The following PLCB1 variants were observed in gnomAD, a reference collection of about 807,000 sequenced individuals.
PLCB1 encodes the protein 1-phosphatidylinositol 4,5-bisphosphate phosphodiesterase beta-1.
In PLCB1, 46 loss-of-function variants were observed where a neutral mutation model predicts 161.8. That is an observed-to-expected ratio of 0.28 (90% CI 0.22 to 0.36). The LOEUF (loss-of-function observed/expected upper bound fraction) is 0.36. PLCB1 is among the 10% of genes least tolerant of loss of function. The pLI is 1.00. For missense variants in PLCB1, 1,016 were observed against 1,472.5 expected (o/e 0.69, Z 5.07); for synonymous variants, 517 against 503.7 (o/e 1.03, Z -0.35).
chr20:8,836,092 T>A (rs936895140), intron 31 of PLCB1, among the ~76,000 whole-genome samples: 1 of 151,990 alleles, frequency 6.6e-6, no homozygotes, highest in African/African-American at 2.4e-5. Flanking sequence ...GGGCCCTGTG[T>A]CTCTCTTCTT....
At chr20:8,316,737 A>G (rs1361349424) in intron 2 of PLCB1, among the ~76,000 whole-genome samples, 3 of 152,142 alleles carry the variant, frequency 2.0e-5, no homozygotes, top group African/African-American at 7.2e-5. Flanking sequence ...TGGGAGACAG[A>G]AAGACGAGGG....
chr20:8,646,768 A>T (rs1989181751), intron 5 of PLCB1, among the ~76,000 whole-genome samples: 1 of 152,242 alleles, frequency 6.6e-6, no homozygotes, highest in Non-Finnish European at 1.5e-5. Flanking sequence ...GAATTGCCAC[A>T]GCCCTTCTAA....
intron 3 of PLCB1, among the ~76,000 whole-genome samples, chr20:8,525,551 T>C (rs1156329607): frequency 3.3e-5 from 5 of 152,184 alleles, no homozygotes; most frequent in Non-Finnish European, 5.9e-5. Flanking sequence ...GACCGTGTTG[T>C]GCCTTTGGGC....
intron 3 of PLCB1, among the ~76,000 whole-genome samples, chr20:8,426,905 GGAA>G (rs1217176987): frequency 6.6e-6 from 1 of 152,082 alleles, no homozygotes; most frequent in Non-Finnish European, 1.5e-5. Context: ...CACATAAAAT[GGAA>G]GAAGATTACC....
chr20:8,159,139 C>G (rs747703063), intron 2 of PLCB1, among the ~76,000 whole-genome samples: 5 of 152,308 alleles, frequency 3.3e-5, no homozygotes, highest in Non-Finnish European at 2.9e-5. Flanking sequence ...ACCACCCCAG[C>G]AGCAAGCTTC....
rs867235182 is a variant in PLCB1, at chr20:8,387,995, A to G, written c.246+16545A>G. ...CTTTTTTTAAAAAAAAAAAAAAAAAAAAGAAGAAACTGAGAAGGAGCAACC... is the reference window on the plus strand; with the variant it reads ...CTTTTTTTAAAAAAAAAAAAAAAAAGAAGAAGAAACTGAGAAGGAGCAACC... On this transcript the variant is annotated intron_variant, in intron 3 of 31. Coordinates refer to ENST00000338037, the MANE Select transcript of PLCB1 (RefSeq NM_015192.4). Among the ~76,000 whole-genome samples, 108 of 151,648 alleles carry G rather than the reference A, an allele frequency of 7.1e-4. No homozygotes were observed. The Middle Eastern group carries it at 0.024, about 33-fold the overall frequency.
At chr20:8,630,366 T>C (rs889485515) in intron 4 of PLCB1, among the ~76,000 whole-genome samples, 6 of 152,180 alleles carry the variant, frequency 3.9e-5, no homozygotes, top group South Asian at 2.1e-4. Context: ...CTAACACTTA[T>C]GTAATATTGA....
chr20:8,148,935 G>A (rs1322301213), intron 1 of PLCB1, among the ~76,000 whole-genome samples: 1 of 152,208 alleles, frequency 6.6e-6, no homozygotes, highest in Non-Finnish European at 1.5e-5. Context: ...GGAATGAGGA[G>A]TTAGTGTTTA....
intron 3 of PLCB1, among the ~76,000 whole-genome samples, chr20:8,381,481 C>G (rs566375031): frequency 1.3e-5 from 2 of 152,182 alleles, no homozygotes; most frequent in East Asian, 3.9e-4. Context: ...GAGGAGTCCC[C>G]CCTTTTCATT....
At chr20:8,749,632 A>G (rs1981349220) in intron 23 of PLCB1, among the ~76,000 whole-genome samples, 1 of 152,206 alleles carries the variant, frequency 6.6e-6, no homozygotes, top group East Asian at 1.9e-4. Context: ...AATAAATTCA[A>G]GTTGGTAGGA....
At chr20:8,311,794 G>A (rs1025051711) in intron 2 of PLCB1, among the ~76,000 whole-genome samples, 5 of 152,158 alleles carry the variant, frequency 3.3e-5, no homozygotes, top group Admixed American at 2.0e-4. Context: ...AAATCTTGTG[G>A]AATGTGGCTG....
At position 8,869,396 on chromosome 20, in the gene PLCB1, T is replaced by A. The variant is rs918263938; in HGVS notation, c.3424-12226T>A. Among the ~76,000 whole-genome samples, 4 of 152,180 alleles carry A rather than the reference T, an allele frequency of 2.6e-5. No homozygotes were observed. The South Asian group carries it at 8.3e-4, about 32-fold the overall frequency. ...CCATAAGGAGAAAGTATTCCAGTGC[T>A]GACATAAAAAGTTCAGGGCCAGGAA... On this transcript the variant is annotated intron_variant, in intron 31 of 31. Transcript: ENST00000338037.
intron 11 of PLCB1, among the ~76,000 whole-genome samples, chr20:8,700,936 A>C (rs2123435034): frequency 6.6e-6 from 1 of 152,388 alleles, no homozygotes; most frequent in Non-Finnish European, 1.5e-5. Context: ...ACTGATATGC[A>C]GTAGCAAGGA....
intron 1 of PLCB1, among the ~76,000 whole-genome samples, chr20:8,135,168 A>G (rs2051333383): frequency 6.6e-6 from 1 of 152,170 alleles, no homozygotes; most frequent in South Asian, 2.1e-4. Flanking sequence ...GCCTGAGTTT[A>G]CCTCCTAGTT....
chr20:8,461,087 T>C (rs2122684758), intron 3 of PLCB1, among the ~76,000 whole-genome samples: 1 of 152,334 alleles, frequency 6.6e-6, no homozygotes, highest in African/African-American at 2.4e-5. Flanking sequence ...TAAATTTAAA[T>C]AGATACCTAC....
intron 2 of PLCB1, among the ~76,000 whole-genome samples, chr20:8,352,957 G>A (rs1286233765): frequency 6.6e-6 from 1 of 152,062 alleles, no homozygotes. Context: ...ATATACATGG[G>A]TTTGTATACA....
intron 3 of PLCB1, among the ~76,000 whole-genome samples, chr20:8,559,383 C>T (rs1406791091): frequency 6.6e-6 from 1 of 151,690 alleles, no homozygotes; most frequent in Non-Finnish European, 1.5e-5. Flanking sequence ...CAAAAGAAGG[C>T]AGTAATGGGG....
At chr20:8,855,603 T>A (rs1987042629) in intron 31 of PLCB1, among the ~76,000 whole-genome samples, 1 of 152,172 alleles carries the variant, frequency 6.6e-6, no homozygotes, top group African/African-American at 2.4e-5. Context: ...AAGAATACTC[T>A]TCAAATGGGA....
intron 2 of PLCB1, among the ~76,000 whole-genome samples, chr20:8,175,487 G>A (rs749747002): frequency 1.6e-4 from 25 of 151,736 alleles, no homozygotes; most frequent in Non-Finnish European, 3.1e-4. Context: ...ATAAAATGAA[G>A]TTCAACATAA....
Sources: gnomAD v4.1 joint callset for allele counts (sites outside exome capture counted in the v4.1 genomes callset) on GRCh38, gnomAD v4.1.1 for gene constraint, MANE v1.5 for transcripts, NCBI Gene and HGNC (gene_info 2026-07-23, HGNC 2026-07-21) for gene names.